The following EXTL2 variants were observed in gnomAD, a reference collection of about 807,000 sequenced individuals.
EXTL2 encodes the protein exostosin like glycosyltransferase 2.
Under a neutral mutation model 30.7 loss-of-function variants are expected in EXTL2, and 23 were observed. That is an observed-to-expected ratio of 0.75 (90% confidence interval 0.54 to 1.06). The LOEUF (loss-of-function observed/expected upper bound fraction) is 1.06. Among genes scored for constraint, EXTL2 ranks in the 50% least tolerant of loss-of-function variants. The pLI, the probability that EXTL2 is intolerant of heterozygous loss-of-function variation, is 0.00. For missense variants in EXTL2, 352 were observed against 396.3 expected (o/e 0.89, Z 0.95); for synonymous variants, 123 against 133.8 (o/e 0.92, Z 0.56).
chr1:100,887,206 A>G (rs772428964), intron 2 of EXTL2, among the ~76,000 whole-genome samples: 2 of 152,224 alleles, frequency 1.3e-5, no homozygotes, highest in Non-Finnish European at 2.9e-5. Flanking sequence ...TCTTTTATCC[A>G]ATATTGGTTT....
rs192064740 is a variant in EXTL2, at chr1:100,878,187, A to G, written c.6-284T>C. On this transcript the variant is annotated intron_variant, in intron 2 of 4. Transcript: ENST00000370114. ...AAAAATTTGCCATCATTTTATCACT[A>G]TATCTCCAGAACTGAGATTATTTTT... is the stretch of plus-strand genomic sequence containing the variant. Among the ~76,000 whole-genome samples the G allele has an allele frequency of 1.1e-4, 17 of 152,230 alleles. 1 individual carries two copies. The highest frequency in any genetic ancestry group is 5.9e-4 in the Admixed American group (9 of 15,264).
intron 3 of EXTL2, 67 bp from the exon 4 acceptor site, chr1:100,876,931 A>C: frequency 1.0e-6 from 1 of 998,490 alleles, no homozygotes; most frequent in Non-Finnish European, 1.6e-6. Context: ...GTAAAATACA[A>C]TAGTGTCTAT....
intron 1 of EXTL2, among the ~76,000 whole-genome samples, chr1:100,891,844 T>G (rs1054474081): frequency 2.0e-5 from 3 of 152,316 alleles, no homozygotes; most frequent in Admixed American, 6.5e-5. Context: ...ACAGTTTAGC[T>G]TTTGGGAAGG....
chr1:100,887,887 G>T (rs988140637), intron 2 of EXTL2, among the ~76,000 whole-genome samples: 1 of 152,110 alleles, frequency 6.6e-6, no homozygotes, highest in South Asian at 2.1e-4. Flanking sequence ...TTTTAGTAGA[G>T]ACGGGGTTTC....
intron 2 of EXTL2, among the ~76,000 whole-genome samples, chr1:100,878,821 GC>G (rs1412281409): frequency 6.6e-6 from 1 of 152,076 alleles, no homozygotes; most frequent in East Asian, 1.9e-4. Context: ...AGGAAAATCT[GC>G]CCCGAGAGCC....
At chr1:100,890,799 T>C (rs530383330) in intron 1 of EXTL2, among the ~76,000 whole-genome samples, 1 of 152,266 alleles carries the variant, frequency 6.6e-6, no homozygotes, top group Non-Finnish European at 1.5e-5. Flanking sequence ...AGTTCCAAAC[T>C]TTCCTACATC....
intron 1 of EXTL2, among the ~76,000 whole-genome samples, chr1:100,891,921 G>A (rs914051226): frequency 1.2e-4 from 18 of 152,298 alleles, no homozygotes; most frequent in South Asian, 6.2e-4. Flanking sequence ...AGGAATGGAC[G>A]TTTAGAGGTT....
intron 2 of EXTL2, among the ~76,000 whole-genome samples, chr1:100,883,833 G>A (rs1041107646): frequency 6.6e-6 from 1 of 152,122 alleles, no homozygotes; most frequent in Non-Finnish European, 1.5e-5. Context: ...GCTTTTCAAA[G>A]AGCATTATTT....
chr1:100,892,736 T>C (rs1220442784), intron 1 of EXTL2, among the ~76,000 whole-genome samples: 1 of 152,242 alleles, frequency 6.6e-6, no homozygotes, highest in Non-Finnish European at 1.5e-5. Flanking sequence ...ATGTATGCCA[T>C]GGAGCAAAAC....
chr1:100,885,150 G>C (rs78667052), intron 2 of EXTL2, among the ~76,000 whole-genome samples: 1 of 152,170 alleles, frequency 6.6e-6, no homozygotes, highest in African/African-American at 2.4e-5. Context: ...AGACCACACA[G>C]GCCCCCTTTC....
In EXTL2 at chr1:100,877,426, G is replaced by A. The variant is rs764877894; in HGVS notation, c.433+50C>T. 1 of 1,468,246 alleles carries A rather than the reference G, an allele frequency of 6.8e-7. No individual in the cohort carries two copies. Among genetic ancestry groups the A allele is most frequent in the South Asian group, 1.4e-5 (1 of 73,914 alleles). 91.0% of individuals were successfully genotyped at this position (1,468,246 alleles called of 1,614,324 possible). On this transcript the variant is annotated intron_variant, in intron 3 of 4. Transcript: ENST00000370114. This position sits in a 1 kb window ranked among gnomAD's most constrained non-coding sequence, Gnocchi z 4.1. Reference sequence around the variant, plus strand: ...GCCAGAAATTCACATGTCTGTCCCAGCTCTGGACAGCGGCAGCCTTTCCAG... The same window carrying A: ...GCCAGAAATTCACATGTCTGTCCCAACTCTGGACAGCGGCAGCCTTTCCAG...
Position 100,874,013 on chromosome 1 carries a change from G to T in EXTL2, c.922C>A (p.Pro308Thr). The change falls in exon 5 of 5, where the codon CCC becomes ACC. Residue 308 changes from proline (P) to threonine (T), a missense_variant. Coordinates refer to ENST00000370114, the MANE Select transcript of EXTL2 (RefSeq NM_001033025.3). The part of the protein sequence containing the change: ...NKLVNIYDSM[P>T]LRYSNIMISQ... The stretch of plus-strand genomic sequence containing the variant: ...ATCATAATGTTGGAGTATCTTAAGG[G>T]CATGCTATCATAGATATTAACAAGC... The T allele has an allele frequency of 1.9e-6, 3 of 1,612,218 alleles. No homozygotes were observed. Among genetic ancestry groups the T allele is most frequent in the Non-Finnish European group, 1.7e-6 (2 of 1,179,092 alleles).
At position 100,881,398 on chromosome 1, in the gene EXTL2, C is replaced by G. The variant is rs2100936246; in HGVS notation, c.6-3495G>C. 2.6e-5 allele frequency among the ~76,000 whole-genome samples: 4 copies of G among 152,328 alleles called. No individual in the cohort carries two copies. In the South Asian group the frequency reaches 8.3e-4, roughly 32 times the overall value. Reference sequence around the variant, plus strand: ...CTATCATCTAATTTGCAGCTTTGAGCTTTGAATGAGAGATATGAGAAAAAA... The same window carrying G: ...CTATCATCTAATTTGCAGCTTTGAGGTTTGAATGAGAGATATGAGAAAAAA... On this transcript the variant is annotated intron_variant, in intron 2 of 4. Transcript: ENST00000370114.
chr1:100,884,834 T>C (rs1259206895), intron 2 of EXTL2, among the ~76,000 whole-genome samples: 2 of 152,246 alleles, frequency 1.3e-5, no homozygotes, highest in Non-Finnish European at 2.9e-5. Flanking sequence ...TTTTGCTGTT[T>C]TTTTCAGTCT....
At chr1:100,889,503 T>G (rs575547206) in intron 1 of EXTL2, among the ~76,000 whole-genome samples, 4 of 152,166 alleles carry the variant, frequency 2.6e-5, no homozygotes, top group Non-Finnish European at 4.4e-5. Context: ...CTTAACTCAT[T>G]CCAGCATTAA....
intron 4 of EXTL2, among the ~76,000 whole-genome samples, chr1:100,876,033 C>T (rs916903082): frequency 1.3e-5 from 2 of 151,982 alleles, no homozygotes; most frequent in South Asian, 2.1e-4. Flanking sequence ...GATCACTTAC[C>T]ATTAATATCG....
Position 100,877,772 on chromosome 1 carries a change from T to C in EXTL2, c.137A>G (p.Asp46Gly), listed in dbSNP as rs757152267. Residue 46 changes from aspartate (D) to glycine (G), a missense_variant, in exon 3 of 5, where the codon GAC becomes GGC. Asp to Gly is a moderately conservative substitution (Grantham distance 94). Coordinates refer to ENST00000370114, the MANE Select transcript of EXTL2 (RefSeq NM_001033025.3). The surrounding 1 kb of genome is among the most constrained non-coding windows in gnomAD (Gnocchi z 4.1). ...LTALLPSVKE[D>G]KMLMLRREIK... ...TTCCCTACGCAACATGAGCATCTTG[T>C]CTTCTTTAACACTGGGAAGTAAGGC... is the stretch of plus-strand genomic sequence containing the variant. The C allele has an allele frequency of 1.2e-5, 20 of 1,612,604 alleles. No individual in the cohort carries two copies. The Middle Eastern group carries it at 4.9e-4, about 40-fold the overall frequency.
intron 2 of EXTL2, among the ~76,000 whole-genome samples, chr1:100,885,071 C>A (rs981266659): frequency 1.3e-5 from 2 of 152,210 alleles, no homozygotes; most frequent in African/African-American, 4.8e-5. Flanking sequence ...CTGTTCCCTA[C>A]ATAGAAGAGC....
intron 2 of EXTL2, among the ~76,000 whole-genome samples, chr1:100,883,615 C>A (rs1649736939): frequency 6.6e-6 from 1 of 152,104 alleles, no homozygotes; most frequent in African/African-American, 2.4e-5. Context: ...ACATTCCATT[C>A]TATGGATAGA....
Sources: allele counts gnomAD v4.1 joint callset (sites outside exome capture counted in the v4.1 genomes callset), GRCh38; gene constraint gnomAD v4.1.1; non-coding constraint Gnocchi (gnomAD v3.1); transcripts MANE v1.5; gene names NCBI Gene and HGNC (gene_info 2026-07-23, HGNC 2026-07-21).